CDH13: variants seen among roughly 807,000 people sequenced by gnomAD.
CDH13 encodes the protein cadherin-13.
A neutral mutation model predicts 63.8 loss-of-function variants in CDH13; 24 were observed. That is an observed-to-expected ratio of 0.38 (90% CI 0.27 to 0.53). The LOEUF (loss-of-function observed/expected upper bound fraction) is 0.53. Among genes scored for constraint, CDH13 ranks in the 20% least tolerant of loss-of-function variants. CDH13 has a pLI of 0.85. For synonymous variants in CDH13, 503 were observed against 355.3 expected, an observed-to-expected ratio of 1.42 and a Z score of -4.67; for missense variants, 1,049 against 903.1, an observed-to-expected ratio of 1.16 and a Z score of -2.07.
chr16:82,742,365 A>G lies in CDH13; in HGVS notation c.45+115228A>G, dbSNP rs1399677544. Among the ~76,000 whole-genome samples the G allele has an allele frequency of 5.3e-5, 8 of 152,162 alleles. No individual in the cohort carries two copies. The East Asian group carries it at 1.2e-3, about 22-fold the overall frequency. On this transcript the variant is annotated intron_variant, in intron 1 of 13. Transcript: ENST00000567109. ...TCCAAATTTTCTACAATGAACATAC[A>G]TAGCATTTATAGTAAATGAAAAGAT...
chr16:83,557,292 G>A (rs960222065), intron 7 of CDH13, among the ~76,000 whole-genome samples: 19 of 152,068 alleles, frequency 1.2e-4, no homozygotes, highest in African/African-American at 4.3e-4. Context: ...ACATTATGGC[G>A]AGTTGTATAA....
chr16:83,344,257 T>C (rs930174791), intron 5 of CDH13, among the ~76,000 whole-genome samples: 2 of 152,350 alleles, frequency 1.3e-5, no homozygotes, highest in East Asian at 1.9e-4. Flanking sequence ...GCCTTCTTCA[T>C]TGAGATCTGA....
At chr16:83,238,339 T>C (rs1363270698) in intron 5 of CDH13, among the ~76,000 whole-genome samples, 1 of 152,194 alleles carries the variant, frequency 6.6e-6, no homozygotes, top group Non-Finnish European at 1.5e-5. Flanking sequence ...CAAGAGAGCG[T>C]GTGCAGGGGA....
intron 4 of CDH13, among the ~76,000 whole-genome samples, chr16:83,158,623 T>C (rs1233841973): frequency 6.6e-6 from 1 of 152,152 alleles, no homozygotes; most frequent in South Asian, 2.1e-4. Context: ...AGCGTTGGGG[T>C]CATAAGGCCA....
In CDH13 at chr16:83,793,743, C is replaced by T. The variant is rs545305928; in HGVS notation, c.2135-1280C>T. On this transcript the variant is annotated intron_variant, in intron 13 of 13. Transcript: ENST00000567109. ...AAAAGAATCGCTCAAACCTGGGAGG[C>T]GGAGGTTGCAGGGAGCCAAGATTGT... Among the ~76,000 whole-genome samples the T allele has an allele frequency of 2.7e-5, 4 of 150,690 alleles. No homozygotes were observed. The South Asian group carries it at 8.4e-4, about 32-fold the overall frequency.
At chr16:82,651,284 G>T (rs967056089) in intron 1 of CDH13, among the ~76,000 whole-genome samples, 2 of 152,196 alleles carry the variant, frequency 1.3e-5, no homozygotes, top group African/African-American at 4.8e-5. Context: ...TCTAATTAAA[G>T]CTTCTGAATA....
intron 2 of CDH13, chr16:82,859,435 A>C (rs565677336): frequency 2.1e-3 from 319 of 152,344 alleles, no homozygotes; most frequent in Non-Finnish European, 3.6e-3. Context: ...GCATATGCCT[A>C]TAGTCCCAGC....
chr16:83,105,132 G>C (rs1015962468), intron 3 of CDH13, among the ~76,000 whole-genome samples: 1 of 152,180 alleles, frequency 6.6e-6, no homozygotes, highest in Admixed American at 6.5e-5. Context: ...AGCCCAGCAT[G>C]CATTAGCTAT....
At chr16:82,859,871 C>T (rs1309382190) in intron 2 of CDH13, among the ~76,000 whole-genome samples, 1 of 152,176 alleles carries the variant, frequency 6.6e-6, no homozygotes, top group Non-Finnish European at 1.5e-5. Flanking sequence ...CGTGCACCTC[C>T]CGATGAAATG....
intron 8 of CDH13, among the ~76,000 whole-genome samples, chr16:83,637,212 A>G (rs1453580208): frequency 1.3e-5 from 2 of 151,938 alleles, no homozygotes; most frequent in African/African-American, 4.9e-5. Context: ...AAACAACATT[A>G]AAATATCAAA....
At chr16:83,570,779 T>C (rs925550832) in intron 7 of CDH13, among the ~76,000 whole-genome samples, 2 of 142,810 alleles carry the variant, frequency 1.4e-5, no homozygotes, top group Non-Finnish European at 3.0e-5. Flanking sequence ...ATGAATAAAA[T>C]ATATTTTATA....
intron 2 of CDH13, among the ~76,000 whole-genome samples, chr16:82,903,068 T>C (rs548303094): frequency 1.3e-5 from 2 of 152,336 alleles, no homozygotes; most frequent in East Asian, 3.9e-4. Context: ...ATAAAGATGG[T>C]AATGGAAAAA....
At chr16:83,407,705 G>T (rs2092068212) in intron 6 of CDH13, among the ~76,000 whole-genome samples, 12 of 152,094 alleles carry the variant, frequency 7.9e-5, no homozygotes, top group Admixed American at 7.9e-4. Context: ...TTAATTCCCA[G>T]GAGGCATTTT....
intron 1 of CDH13, among the ~76,000 whole-genome samples, chr16:82,773,134 T>C (rs1447176496): frequency 2.6e-5 from 4 of 152,096 alleles, no homozygotes; most frequent in Admixed American, 2.0e-4. Context: ...CCAAAACAAA[T>C]GATACAGAGG....
chr16:83,667,140 G>A (rs748634310), intron 8 of CDH13, among the ~76,000 whole-genome samples: 20 of 151,876 alleles, frequency 1.3e-4, no homozygotes, highest in Non-Finnish European at 2.8e-4. Flanking sequence ...TAAATAGATA[G>A]ATGGATGGCA....
intron 7 of CDH13, among the ~76,000 whole-genome samples, chr16:83,561,386 A>G (rs1038690255): frequency 6.8e-6 from 1 of 146,448 alleles, no homozygotes; most frequent in Admixed American, 7.1e-5. Flanking sequence ...AGATTGTGCC[A>G]TTGCACTTCA....
chr16:82,857,192 C>T (rs2039737732), intron 1 of CDH13, among the ~76,000 whole-genome samples: 1 of 152,202 alleles, frequency 6.6e-6, no homozygotes, highest in Non-Finnish European at 1.5e-5. Flanking sequence ...TGATCTTGGG[C>T]AAGCTTGTTA....
chr16:83,040,995 C>A (rs930827058), intron 3 of CDH13, among the ~76,000 whole-genome samples: 2 of 152,142 alleles, frequency 1.3e-5, no homozygotes, highest in Admixed American at 1.3e-4. Flanking sequence ...CACTCTTATT[C>A]CTCAGGTGCT....
intron 5 of CDH13, among the ~76,000 whole-genome samples, chr16:83,239,907 A>G (rs1904306106): frequency 6.6e-6 from 1 of 152,152 alleles, no homozygotes; most frequent in Admixed American, 6.5e-5. Context: ...ATTGTAGTCT[A>G]TACATGATGA....
Sources: gnomAD v4.1 joint callset for allele counts (sites outside exome capture counted in the v4.1 genomes callset) on GRCh38, gnomAD v4.1.1 for gene constraint, MANE v1.5 for transcripts, NCBI Gene and HGNC (gene_info 2026-07-23, HGNC 2026-07-21) for gene names.